FRK: variants seen among roughly 807,000 people sequenced by gnomAD.
FRK encodes the protein tyrosine-protein kinase FRK.
FRK carries 51 observed loss-of-function variants against 56.4 expected under a neutral mutation model. That is an observed-to-expected ratio of 0.90 (90% CI 0.72 to 1.14). The LOEUF (loss-of-function observed/expected upper bound fraction) is 1.14. FRK is among the 50% of genes most tolerant of loss of function. FRK has a pLI of 0.00. For missense variants in FRK, 570 were observed against 601.4 expected (o/e 0.95, Z 0.55); for synonymous variants, 245 against 217.9 (o/e 1.12, Z -1.10).
At chr6:116,003,614 T>C (rs376191630) in intron 2 of FRK, among the ~76,000 whole-genome samples, 30 of 152,328 alleles carry the variant, frequency 2.0e-4, no homozygotes, top group African/African-American at 7.0e-4. Context: ...AATGCAAAAG[T>C]TAGAAACTGT....
chr6:116,030,801 T>A (rs187890958), intron 1 of FRK, among the ~76,000 whole-genome samples: 1 of 152,230 alleles, frequency 6.6e-6, no homozygotes. Flanking sequence ...AGCAAACTAA[T>A]CAAACCCCAA....
chr6:116,012,503 T>G (rs1276422679), intron 1 of FRK, among the ~76,000 whole-genome samples: 2 of 152,194 alleles, frequency 1.3e-5, no homozygotes, highest in East Asian at 3.8e-4. Context: ...TAAATTCTTG[T>G]TTAGATTATT....
intron 5 of FRK, among the ~76,000 whole-genome samples, chr6:115,952,217 G>T (rs1025120915): frequency 2.2e-4 from 33 of 152,222 alleles, no homozygotes; most frequent in Non-Finnish European, 4.4e-4. Context: ...TTTGTCTTTT[G>T]TTGCCATTGC....
rs995511050 is a variant in FRK, at chr6:115,980,481, T to C, written c.467-11742A>G. Reference sequence around the variant, plus strand: ...AAAGGAATCCAGCTGAGGTTCCTTGTGGAAACCATAATTGTATATGGGCAA... The same window carrying C: ...AAAGGAATCCAGCTGAGGTTCCTTGCGGAAACCATAATTGTATATGGGCAA... On this transcript the variant is annotated intron_variant, in intron 2 of 7. Transcript: ENST00000606080. Among the ~76,000 whole-genome samples the C allele has an allele frequency of 3.9e-5, 6 of 152,292 alleles. No homozygotes were observed. In the South Asian group the frequency reaches 6.2e-4, roughly 16 times the overall value.
intron 2 of FRK, among the ~76,000 whole-genome samples, chr6:116,001,394 A>G (rs1417902400): frequency 2.0e-5 from 3 of 152,188 alleles, no homozygotes; most frequent in Non-Finnish European, 2.9e-5. Context: ...CACTATTAAC[A>G]AAAGTTAACC....
intron 1 of FRK, among the ~76,000 whole-genome samples, chr6:116,016,603 A>G (rs1458418306): frequency 1.3e-5 from 2 of 152,114 alleles, no homozygotes; most frequent in Non-Finnish European, 2.9e-5. Flanking sequence ...GGATGTACAG[A>G]TATGTACTAG....
At chr6:116,012,140 A>C (rs1013129584) in intron 1 of FRK, among the ~76,000 whole-genome samples, 1 of 152,144 alleles carries the variant, frequency 6.6e-6, no homozygotes. Flanking sequence ...TGATCACATA[A>C]AAGGAGGCAG....
At chr6:115,949,487 A>T (rs1284691051) in intron 5 of FRK, among the ~76,000 whole-genome samples, 1 of 151,942 alleles carries the variant, frequency 6.6e-6, no homozygotes, top group Non-Finnish European at 1.5e-5. Context: ...AGTGTTAAGG[A>T]CCTCTTTAAA....
intron 2 of FRK, among the ~76,000 whole-genome samples, chr6:115,973,690 C>T (rs1037330183): frequency 2.6e-5 from 4 of 151,872 alleles, no homozygotes; most frequent in Non-Finnish European, 4.4e-5. Context: ...GCCAATATGG[C>T]AAAACCCCAT....
intron 2 of FRK, among the ~76,000 whole-genome samples, chr6:115,986,126 T>C (rs1291763242): frequency 1.3e-5 from 2 of 151,946 alleles, no homozygotes; most frequent in African/African-American, 2.4e-5. Flanking sequence ...CTCAATTAGA[T>C]GCAACATTCT....
chr6:116,032,700 A>T (rs1776343691), intron 1 of FRK, among the ~76,000 whole-genome samples: 1 of 152,098 alleles, frequency 6.6e-6, no homozygotes, highest in Non-Finnish European at 1.5e-5. Context: ...ATTCATTTAT[A>T]TTTCATGGCC....
intron 2 of FRK, among the ~76,000 whole-genome samples, chr6:115,987,975 A>T (rs1774453904): frequency 6.6e-6 from 1 of 152,060 alleles, no homozygotes. Flanking sequence ...TTTTACAAAC[A>T]TCTGCAGGTG....
At chr6:116,058,801 C>T (rs1365420346) in intron 1 of FRK, among the ~76,000 whole-genome samples, 2 of 150,158 alleles carry the variant, frequency 1.3e-5, no homozygotes, top group Non-Finnish European at 2.9e-5. Flanking sequence ...GTCCCAGCTA[C>T]TTGGAAGGCT....
Position 116,015,730 on chromosome 6 carries a change from C to A in FRK, c.345-11732G>T, listed in dbSNP as rs180753917. On this transcript the variant is annotated intron_variant, in intron 1 of 7. Coordinates refer to ENST00000606080, the MANE Select transcript of FRK (RefSeq NM_002031.3). Reference sequence around the variant, plus strand: ...ATTGGGAACTGGAGTAAAGGTCACTCATGCTATGCTTTGGCAAAGAGACTG... The same window carrying A: ...ATTGGGAACTGGAGTAAAGGTCACTAATGCTATGCTTTGGCAAAGAGACTG... Among the ~76,000 whole-genome samples, 69 of 152,256 alleles carry A rather than the reference C, an allele frequency of 4.5e-4. 1 individual carries two copies. Among genetic ancestry groups the A allele is most frequent in the African/African-American group, 1.6e-3 (68 of 41,568 alleles).
intron 1 of FRK, chr6:116,039,142 G>A: frequency 2.1e-6 from 2 of 956,396 alleles, no homozygotes; most frequent in Non-Finnish European, 3.4e-6. Flanking sequence ...CTGGGGAGAA[G>A]CTAGCTGAAA....
chr6:116,030,338 G>A (rs1047253653), intron 1 of FRK, among the ~76,000 whole-genome samples: 3 of 152,064 alleles, frequency 2.0e-5, no homozygotes, highest in African/African-American at 4.8e-5. Flanking sequence ...TGGGGAATCC[G>A]AGAACTCAGC....
the FRK span, among the ~76,000 whole-genome samples, chr6:116,080,023 G>A: frequency 6.6e-5 from 10 of 152,068 alleles, no homozygotes; most frequent in East Asian, 1.9e-4. Flanking sequence ...TTGACTATCC[G>A]TTAAAAATAG....
chr6:115,975,675 T>A (rs1268908612), intron 2 of FRK, among the ~76,000 whole-genome samples: 1 of 152,192 alleles, frequency 6.6e-6, no homozygotes, highest in Non-Finnish European at 1.5e-5. Context: ...ACTAGTTAAG[T>A]ATTTTAGTAG....
chr6:116,066,451 A>ATG, the FRK span, among the ~76,000 whole-genome samples: 1 of 146,612 alleles, frequency 6.8e-6, no homozygotes, highest in Non-Finnish European at 1.5e-5. Context: ...GTGTGTGTGT[A>ATG]TGTGTGTGTG....
Sources: allele counts gnomAD v4.1 joint callset (sites outside exome capture counted in the v4.1 genomes callset), GRCh38; gene constraint gnomAD v4.1.1; transcripts MANE v1.5; gene names NCBI Gene and HGNC (gene_info 2026-07-23, HGNC 2026-07-21).